Variants in ZNF267 observed in about 807,000 individuals in gnomAD.
ZNF267 encodes zinc finger protein 267, also known as zinc finger (C2H2).
ZNF267 carries 61 observed loss-of-function variants against 71.6 expected under a neutral mutation model. The ratio of observed to expected loss-of-function variants is 0.85; its 90% CI spans 0.69 to 1.05. ZNF267 has a LOEUF of 1.05. ZNF267 is among the 50% of genes least tolerant of loss of function. The pLI, the probability that ZNF267 is intolerant of heterozygous loss-of-function variation, is 0.00. For synonymous variants in ZNF267, 288 were observed against 293.2 expected, an observed-to-expected ratio of 0.98 and a Z score of 0.18; for missense variants, 852 against 870.0, an observed-to-expected ratio of 0.98 and a Z score of 0.26.
At position 31,916,554 on chromosome 16, in the gene ZNF267, G is replaced by A; in HGVS notation, c.*73G>A. ...TGTGCATCAGATAATTTATATGGGAGTGAAACCCTACAAATGTTAAGAATG... is the reference window on the plus strand; with the variant it reads ...TGTGCATCAGATAATTTATATGGGAATGAAACCCTACAAATGTTAAGAATG... On this transcript the variant is annotated 3_prime_UTR_variant, in exon 4 of 4. Coordinates refer to ENST00000300870, the MANE Select transcript of ZNF267 (RefSeq NM_003414.6). 1.4e-6 allele frequency: 2 copies of A among 1,379,626 alleles called. No homozygotes were observed. The highest frequency in any genetic ancestry group is 2.4e-5 in the East Asian group (1 of 41,946). 85.5% of individuals were successfully genotyped at this position (1,379,626 alleles called of 1,614,324 possible).
chr16:31,909,218 G>A (rs1439614620), intron 3 of ZNF267, among the ~76,000 whole-genome samples: 1 of 129,934 alleles, frequency 7.7e-6, no homozygotes, highest in Non-Finnish European at 1.6e-5. Flanking sequence ...TGCAACCTCC[G>A]CCTCCCGGGT....
In ZNF267 at chr16:31,878,089, C is replaced by T. The variant is rs181057931; in HGVS notation, c.3+4120C>T. On this transcript the variant is annotated intron_variant, in intron 1 of 3. Transcript: ENST00000300870. ...ACTTGTGGGGCCTGCGCTGACTCTG[C>T]GTGGTGTCAGAATTAAGTTTTTGGC... 1.9e-3 allele frequency among the ~76,000 whole-genome samples: 292 copies of T among 152,202 alleles called. 2 individuals are homozygous for T. Among genetic ancestry groups the T allele is most frequent in the Middle Eastern group, 0.017 (5 of 294 alleles).
intron 3 of ZNF267, among the ~76,000 whole-genome samples, chr16:31,901,641 GGTT>G (rs1210340581): frequency 3.3e-5 from 5 of 152,132 alleles, no homozygotes; most frequent in African/African-American, 1.2e-4. Context: ...TTTTTGATGG[GGTT>G]GTTTTTTTCT....
intron 3 of ZNF267, among the ~76,000 whole-genome samples, chr16:31,899,159 A>G (rs1288464832): frequency 1.3e-5 from 2 of 152,220 alleles, no homozygotes; most frequent in African/African-American, 2.4e-5. Flanking sequence ...TAGGACTTGA[A>G]GTCAGCTCTG....
Position 31,915,533 on chromosome 16 carries a change from A to G in ZNF267, c.1284A>G (p.Arg428=). 3.7e-6 allele frequency: 6 copies of G among 1,613,132 alleles called. No individual in the cohort carries two copies. Among genetic ancestry groups the G allele is most frequent in the Non-Finnish European group, 5.1e-6 (6 of 1,179,766 alleles). Residue 428 remains arginine, a synonymous_variant, in exon 4 of 4, where the codon CGA becomes CGG. Transcript: ENST00000300870. ...RCSSYLTKHK[R]IHTGEKPYKC... The stretch of plus-strand genomic sequence containing the variant: ...GTTCATACCTTACTAAACATAAGCG[A>G]ATTCATACTGGAGAGAAACCTTATA...
intron 3 of ZNF267, among the ~76,000 whole-genome samples, chr16:31,905,191 T>C (rs1294166029): frequency 2.6e-5 from 4 of 152,262 alleles, no homozygotes; most frequent in South Asian, 2.1e-4. Context: ...GTGGGTAACC[T>C]GACCTTTCTC....
Position 31,915,855 on chromosome 16 carries a change from A to T in ZNF267, c.1606A>T (p.Ile536Phe). The part of the protein sequence containing the change: ...AKPFTCFSNL[I>F]VHERIHTGEK... ...ACCTTTTACTTGTTTCTCAAATCTT[A>T]TTGTGCATGAGAGAATTCATACTGG... The change falls in exon 4 of 4, where the codon ATT (isoleucine) becomes TTT (phenylalanine). Residue 536 changes from isoleucine to phenylalanine, a missense_variant. Transcript: ENST00000300870. The T allele has an allele frequency of 1.2e-6, 2 of 1,613,706 alleles. No homozygotes were observed. Among genetic ancestry groups the T allele is most frequent in the Non-Finnish European group, 1.7e-6 (2 of 1,179,988 alleles).
At chr16:31,900,795 T>A (rs912233915) in intron 3 of ZNF267, among the ~76,000 whole-genome samples, 2 of 149,530 alleles carry the variant, frequency 1.3e-5, no homozygotes, top group African/African-American at 4.9e-5. Context: ...TTATTTTTAT[T>A]TTTTTATTTA....
Position 31,915,798 on chromosome 16 carries a change from G to GA in ZNF267, c.1553dup (p.Asn518LysfsTer10). On this transcript the variant is annotated frameshift_variant, in exon 4 of 4. Coordinates refer to ENST00000300870, the MANE Select transcript of ZNF267 (RefSeq NM_003414.6). LOFTEE classifies it high-confidence loss of function. ...TCAACATCGGAAAATTCATACTGGAGAAAATCTTTACAAATGCAAAGTATG... is the reference window on the plus strand; with the variant it reads ...TCAACATCGGAAAATTCATACTGGAGAAAAATCTTTACAAATGCAAAGTATG... 6.2e-7 allele frequency: 1 copy of GA among 1,613,232 alleles called. No homozygotes were observed. The highest frequency in any genetic ancestry group is 8.5e-7 in the Non-Finnish European group (1 of 1,179,980).
At chr16:31,887,591 T>G (rs3913871) in intron 3 of ZNF267, among the ~76,000 whole-genome samples, 131,622 of 152,190 alleles carry the variant, frequency 0.86, 58,971 homozygotes, top group East Asian at 1. Flanking sequence ...TAAATTTTAT[T>G]CTTTTGCAGA....
In ZNF267 at chr16:31,916,204, G is replaced by T. The variant is rs1567240511; in HGVS notation, c.1955G>T (p.Arg652Ile). ...NYRSYLTTHQ[R>I]SHTGERPYKC... ...AGGTCATACCTCACTACACATCAGA[G>T]AAGTCATACTGGAGAGAGACCCTAC... Residue 652 changes from arginine to isoleucine, a missense_variant, in exon 4 of 4, where the codon AGA becomes ATA. By Grantham distance (97) the Arg-to-Ile change is moderately conservative (BLOSUM62 -3). Coordinates refer to ENST00000300870, the MANE Select transcript of ZNF267 (RefSeq NM_003414.6). 2 of 1,614,148 alleles carry T rather than the reference G, an allele frequency of 1.2e-6. No homozygotes were observed. The highest frequency in any genetic ancestry group is 1.7e-6 in the Non-Finnish European group (2 of 1,180,022).
intron 3 of ZNF267, among the ~76,000 whole-genome samples, chr16:31,911,472 A>G (rs1324901298): frequency 1.3e-5 from 2 of 151,564 alleles, no homozygotes; most frequent in Non-Finnish European, 2.9e-5. Context: ...TGATGTAAGT[A>G]TAGCTACTTT....
chr16:31,907,183 TTG>T (rs2084098234), intron 3 of ZNF267, among the ~76,000 whole-genome samples: 2 of 152,136 alleles, frequency 1.3e-5, no homozygotes, highest in Non-Finnish European at 2.9e-5. Context: ...GTGAGTCTCT[TTG>T]TGTTGCTGCT....
At chr16:31,884,800 C>G (rs954243425) in intron 2 of ZNF267, among the ~76,000 whole-genome samples, 176 bp downstream of exon 2, 7 of 152,116 alleles carry the variant, frequency 4.6e-5, no homozygotes, top group Admixed American at 4.6e-4. Context: ...TGACATTCGC[C>G]TTTTTATTTG....
At chr16:31,883,745 G>A (rs1460709061) in intron 1 of ZNF267, among the ~76,000 whole-genome samples, 1 of 152,248 alleles carries the variant, frequency 6.6e-6, no homozygotes, top group Non-Finnish European at 1.5e-5. Flanking sequence ...CATTCTAGCT[G>A]TTATAACTTG....
At position 31,914,625 on chromosome 16, in the gene ZNF267, A is replaced by G. The variant is rs777667055; in HGVS notation, c.376A>G (p.Asn126Asp). The change falls in exon 4 of 4, where the codon AAT becomes GAT. Residue 126 changes from asparagine to aspartate, a missense_variant. Transcript: ENST00000300870. ...GAAAAGGGAGGAGTGTGAAGGGCACAATGGATGTTATGATGAAAAGACTTT... is the reference window on the plus strand; with the variant it reads ...GAAAAGGGAGGAGTGTGAAGGGCACGATGGATGTTATGATGAAAAGACTTT... ...RWKREECEGHNGCYDEKTFKY... is the reference protein window; with the variant it reads ...RWKREECEGHDGCYDEKTFKY... The G allele has an allele frequency of 6.2e-6, 10 of 1,614,134 alleles. No individual in the cohort carries two copies. Among genetic ancestry groups the G allele is most frequent in the Middle Eastern group, 1.7e-4 (1 of 6,058 alleles).
At chr16:31,884,260 C>T (rs998039738) in intron 1 of ZNF267, among the ~76,000 whole-genome samples, 3 of 151,918 alleles carry the variant, frequency 2.0e-5, no homozygotes, top group Non-Finnish European at 4.4e-5. Flanking sequence ...GTGTTGATGC[C>T]TTAGTTTTAT....
intron 3 of ZNF267, among the ~76,000 whole-genome samples, chr16:31,890,022 C>T (rs1311615841): frequency 7.9e-5 from 12 of 152,092 alleles, no homozygotes; most frequent in African/African-American, 2.9e-4. Context: ...TTTAAAAAGA[C>T]TTGTTTTCTA....
At chr16:31,880,071 C>T (rs531750108) in intron 1 of ZNF267, among the ~76,000 whole-genome samples, 15 of 152,286 alleles carry the variant, frequency 9.8e-5, no homozygotes, top group African/African-American at 3.1e-4. Context: ...TTGATTCCAC[C>T]TGGGGTCTGC....
Sources: allele counts gnomAD v4.1 joint callset (sites outside exome capture counted in the v4.1 genomes callset), GRCh38; gene constraint gnomAD v4.1.1; transcripts MANE v1.5; gene names NCBI Gene and HGNC (gene_info 2026-07-23, HGNC 2026-07-21).